The following ARHGAP8 variants were observed in gnomAD, a reference collection of about 807,000 sequenced individuals.
ARHGAP8 encodes the protein rho GTPase-activating protein 8.
In ARHGAP8, 62 loss-of-function variants were observed where a neutral mutation model predicts 46.1. The observed-to-expected ratio is 1.34, with a 90% confidence interval of 1.10 to 1.66. ARHGAP8 has a LOEUF of 1.66. Ranked by LOEUF, ARHGAP8 falls within the 40% of genes most tolerant of loss-of-function variation. ARHGAP8 has a pLI of 0.00. For missense variants in ARHGAP8, 923 were observed against 568.4 expected (o/e 1.62, Z -6.34); for synonymous variants, 375 against 243.1 (o/e 1.54, Z -5.05).
At chr22:44,791,832 A>G (rs555133942) in intron 2 of ARHGAP8, among the ~76,000 whole-genome samples, 2 of 152,308 alleles carry the variant, frequency 1.3e-5, no homozygotes, top group East Asian at 3.9e-4. Flanking sequence ...AACAACAAGG[A>G]TGGAGGTGCC....
At chr22:44,781,853 G>C (rs1320405122) in intron 1 of ARHGAP8, among the ~76,000 whole-genome samples, 2 of 151,102 alleles carry the variant, frequency 1.3e-5, no homozygotes, top group South Asian at 2.1e-4. Context: ...TTTATTTTTA[G>C]AGACAGGATC....
At chr22:44,768,380 G>C (rs1216860153) in intron 1 of ARHGAP8, among the ~76,000 whole-genome samples, 1 of 151,848 alleles carries the variant, frequency 6.6e-6, no homozygotes, top group African/African-American at 2.4e-5. Flanking sequence ...CTCAGCTGCA[G>C]CCTCAACCTC....
At chr22:44,861,261 C>T (rs929968491) in intron 11 of ARHGAP8, among the ~76,000 whole-genome samples, 78 of 152,342 alleles carry the variant, frequency 5.1e-4, no homozygotes, top group African/African-American at 1.8e-3. Context: ...GTGTGAGCCA[C>T]TGCACCCAGC....
At chr22:44,837,960 G>T (rs1931398821) in intron 7 of ARHGAP8, among the ~76,000 whole-genome samples, 2 of 152,064 alleles carry the variant, frequency 1.3e-5, no homozygotes, top group Non-Finnish European at 2.9e-5. Context: ...TTCCTGCTCT[G>T]AGAGTCTTTT....
intron 7 of ARHGAP8, among the ~76,000 whole-genome samples, chr22:44,837,568 C>T (rs1931370415): frequency 6.6e-6 from 1 of 152,178 alleles, no homozygotes; most frequent in Non-Finnish European, 1.5e-5. Context: ...GATTCACCGG[C>T]GCCCTGGGCA....
At chr22:44,809,357 G>C in intron 4 of ARHGAP8, 1 of 370,558 alleles carries the variant, frequency 2.7e-6, no homozygotes, top group South Asian at 2.1e-5. Flanking sequence ...AGCAGGCTAG[G>C]TTCATCCTGC....
chr22:44,811,035 G>A (rs988955750), intron 4 of ARHGAP8, among the ~76,000 whole-genome samples: 4 of 152,200 alleles, frequency 2.6e-5, no homozygotes, highest in African/African-American at 7.2e-5. Flanking sequence ...AGATGCACCC[G>A]CAGATTCCTT....
chr22:44,853,147 C>T (rs1031764724), intron 10 of ARHGAP8, among the ~76,000 whole-genome samples: 24 of 152,112 alleles, frequency 1.6e-4, no homozygotes, highest in African/African-American at 5.8e-4. Flanking sequence ...TGAGAAGATT[C>T]CTAGATGTTG....
Position 44,860,426 on chromosome 22 carries a change from G to C in ARHGAP8, c.981+592G>C, listed in dbSNP as rs557315567. On this transcript the variant is annotated intron_variant, in intron 11 of 11. Transcript: ENST00000356099. ...CAGCTATGCCTCCAGCTCCCCCCTG[G>C]CCTTTGTCTGTGTGTGTGTCTAATC... 3.4e-3 allele frequency among the ~76,000 whole-genome samples: 520 copies of C among 151,990 alleles called. 7 individuals are homozygous for C. The highest frequency in any genetic ancestry group is 0.012 in the African/African-American group (499 of 41,416).
At chr22:44,792,893 G>A (rs545516389) in intron 2 of ARHGAP8, among the ~76,000 whole-genome samples, 46 of 151,318 alleles carry the variant, frequency 3.0e-4, no homozygotes, top group African/African-American at 9.2e-4. Flanking sequence ...GCGCAATCTC[G>A]GCTCACTGCA....
chr22:44,828,917 C>T (rs1930731727), intron 7 of ARHGAP8, among the ~76,000 whole-genome samples: 1 of 151,826 alleles, frequency 6.6e-6, no homozygotes, highest in Non-Finnish European at 1.5e-5. Context: ...ACGCCTTTCT[C>T]GTCTCTTATC....
intron 2 of ARHGAP8, among the ~76,000 whole-genome samples, chr22:44,792,812 T>TGGTGGTGGC (rs56751591): frequency 5.6e-5 from 7 of 124,912 alleles, no homozygotes; most frequent in African/African-American, 1.9e-4. Context: ...GTGGTGGTGG[T>TGGTGGTGGC]TTTTTTTGTT....
At chr22:44,791,591 C>T (rs1335030561) in intron 2 of ARHGAP8, among the ~76,000 whole-genome samples, 1 of 152,088 alleles carries the variant, frequency 6.6e-6, no homozygotes, top group African/African-American at 2.4e-5. Flanking sequence ...GTAATCCCCG[C>T]TACTTGGGAG....
intron 5 of ARHGAP8, among the ~76,000 whole-genome samples, chr22:44,818,905 C>A (rs1030583348): frequency 2.6e-5 from 4 of 152,108 alleles, no homozygotes; most frequent in African/African-American, 9.7e-5. Context: ...CGCTATGTTG[C>A]CCAGGCTGGA....
intron 7 of ARHGAP8, among the ~76,000 whole-genome samples, chr22:44,842,740 A>G (rs1045831046): frequency 2.0e-5 from 3 of 152,082 alleles, no homozygotes; most frequent in African/African-American, 7.2e-5. Flanking sequence ...CCTCAGAGCC[A>G]GGGCTGAGCA....
chr22:44,813,074 T>C (rs944281245), intron 4 of ARHGAP8, among the ~76,000 whole-genome samples: 5 of 152,116 alleles, frequency 3.3e-5, no homozygotes, highest in African/African-American at 1.2e-4. Flanking sequence ...TTGCTCCAGC[T>C]CAGGAATCTG....
chr22:44,830,172 C>T (rs1291552881), intron 7 of ARHGAP8, among the ~76,000 whole-genome samples: 10 of 149,720 alleles, frequency 6.7e-5, no homozygotes, highest in South Asian at 4.2e-4. Context: ...TGCAGGTGCA[C>T]GCTACCAAGT....
intron 7 of ARHGAP8, among the ~76,000 whole-genome samples, chr22:44,829,297 GAAAA>G (rs71188490): frequency 4.5e-5 from 6 of 133,338 alleles, no homozygotes; most frequent in African/African-American, 8.1e-5. Context: ...TCTCAAAAAA[GAAAA>G]AAAAAAAAGA....
At chr22:44,802,449 C>G (rs1382542170) in intron 3 of ARHGAP8, among the ~76,000 whole-genome samples, 2 of 152,184 alleles carry the variant, frequency 1.3e-5, no homozygotes, top group Non-Finnish European at 2.9e-5. Context: ...GGGACAGTCC[C>G]CTGGTCCTAG....
Sources: allele counts gnomAD v4.1 joint callset (sites outside exome capture counted in the v4.1 genomes callset), GRCh38; gene constraint gnomAD v4.1.1; transcripts MANE v1.5; gene names NCBI Gene and HGNC (gene_info 2026-07-23, HGNC 2026-07-21).